The following ZNF280D variants were observed in gnomAD, a reference collection of about 807,000 sequenced individuals.
The protein encoded by ZNF280D is zinc finger protein 280D.
Under a neutral mutation model 94.7 loss-of-function variants are expected in ZNF280D, and 39 were observed. That is an observed-to-expected ratio of 0.41 (90% CI 0.32 to 0.54). ZNF280D has a LOEUF of 0.54. ZNF280D is among the 20% of genes least tolerant of loss of function. ZNF280D has a pLI of 0.22. For missense variants in ZNF280D, 1,090 were observed against 1,149.3 expected, an observed-to-expected ratio of 0.95 and a Z score of 0.75; for synonymous variants, 398 against 377.6, an observed-to-expected ratio of 1.05 and a Z score of -0.63.
intron 17 of ZNF280D, among the ~76,000 whole-genome samples, chr15:56,657,386 A>G (rs1341006274): frequency 1.3e-5 from 2 of 152,170 alleles, no homozygotes; most frequent in Non-Finnish European, 2.9e-5. Context: ...TCAAAACTAA[A>G]AAAGTGTTCA....
At chr15:56,728,396 A>T (rs1337607276) in intron 1 of ZNF280D, among the ~76,000 whole-genome samples, 2 of 152,226 alleles carry the variant, frequency 1.3e-5, no homozygotes, top group East Asian at 3.8e-4. Flanking sequence ...GAAAATATAG[A>T]CATTTTAAAA....
intron 9 of ZNF280D, among the ~76,000 whole-genome samples, chr15:56,686,805 G>A (rs1469224890): frequency 6.7e-6 from 1 of 149,222 alleles, no homozygotes; most frequent in African/African-American, 2.5e-5. Flanking sequence ...AGTTACGCCA[G>A]TTAATTGGTT....
intron 16 of ZNF280D, among the ~76,000 whole-genome samples, chr15:56,665,868 G>A (rs1298733918): frequency 1.3e-5 from 2 of 152,174 alleles, no homozygotes; most frequent in Non-Finnish European, 2.9e-5. Context: ...GGGTGCAATG[G>A]CTCATGCCTG....
intron 7 of ZNF280D, among the ~76,000 whole-genome samples, chr15:56,690,626 G>A (rs2056371639): frequency 6.6e-6 from 1 of 152,060 alleles, no homozygotes; most frequent in African/African-American, 2.4e-5. Flanking sequence ...AAACCATTTT[G>A]TTAAGGCTGA....
At chr15:56,644,129 T>C (rs1400957536) in intron 19 of ZNF280D, among the ~76,000 whole-genome samples, 1 of 152,092 alleles carries the variant, frequency 6.6e-6, no homozygotes, top group Non-Finnish European at 1.5e-5. Context: ...ATATAGATTA[T>C]GTCCTTTGTA....
intron 19 of ZNF280D, among the ~76,000 whole-genome samples, chr15:56,648,756 G>C (rs1171667778): frequency 6.6e-6 from 1 of 152,182 alleles, no homozygotes; most frequent in African/African-American, 2.4e-5. Context: ...TATGTGCTCA[G>C]TAAATGTTAG....
chr15:56,654,123 TTAA>T lies in ZNF280D; in HGVS notation c.2213+72_2213+74del. 4 of 1,560,542 alleles carry T rather than the reference TTAA, an allele frequency of 2.6e-6. No homozygotes were observed. In the South Asian group the frequency reaches 3.7e-5, roughly 14 times the overall value. ...CATACTTTAATACTTTTCATTCGTA[TTAA>T]TGATACATTTAAAAATGCAATAGTG... On this transcript the variant is annotated intron_variant, in intron 19 of 21. Transcript: ENST00000267807.
intron 7 of ZNF280D, among the ~76,000 whole-genome samples, chr15:56,690,786 A>C (rs181493924): frequency 3.5e-4 from 54 of 152,302 alleles, no homozygotes; most frequent in Non-Finnish European, 2.1e-4. Flanking sequence ...AATCCTCACA[A>C]TTGTACATTA....
intron 1 of ZNF280D, chr15:56,725,108 C>T (rs1306979408): frequency 3.9e-6 from 1 of 257,488 alleles, no homozygotes; most frequent in African/African-American, 2.2e-5. Context: ...TTAGATTTGC[C>T]AAAGGTAACC....
At chr15:56,702,250 T>C (rs1384592659) in intron 4 of ZNF280D, among the ~76,000 whole-genome samples, 1 of 152,264 alleles carries the variant, frequency 6.6e-6, no homozygotes, top group African/African-American at 2.4e-5. Context: ...CATTCAGAAA[T>C]TCAGGATTAA....
chr15:56,659,951 C>G (rs2053823063), intron 16 of ZNF280D, among the ~76,000 whole-genome samples: 1 of 152,010 alleles, frequency 6.6e-6, no homozygotes. Flanking sequence ...CAACTATCTG[C>G]AGCTTTCCTT....
chr15:56,633,560 G>A (rs1056871121), intron 21 of ZNF280D, among the ~76,000 whole-genome samples: 17 of 151,558 alleles, frequency 1.1e-4, no homozygotes, highest in African/African-American at 2.9e-4. Context: ...GCATGATCTC[G>A]GCTCATTGCA....
At chr15:56,722,064 G>A (rs1038040262) in intron 1 of ZNF280D, among the ~76,000 whole-genome samples, 26 of 152,268 alleles carry the variant, frequency 1.7e-4, no homozygotes, top group African/African-American at 6.3e-4. Context: ...ATATTGCTAT[G>A]TCTCAGGGAA....
chr15:56,689,902 T>C (rs138870338), intron 7 of ZNF280D, among the ~76,000 whole-genome samples: 1 of 152,170 alleles, frequency 6.6e-6, no homozygotes, highest in Non-Finnish European at 1.5e-5. Context: ...TTAGAGATAC[T>C]CTTAAGATGC....
chr15:56,698,961 G>A (rs865953475), intron 6 of ZNF280D: 1 of 152,136 alleles, frequency 6.6e-6, no homozygotes, highest in South Asian at 2.1e-4. Flanking sequence ...AGCCTTGTGA[G>A]ATCCTTAAGC....
chr15:56,682,154 CACTT>C (rs2055662459), intron 10 of ZNF280D, 96 bp downstream of exon 10: 5 of 828,380 alleles, frequency 6.0e-6, no homozygotes, highest in Non-Finnish European at 9.2e-6. Context: ...GTGTTAAAAT[CACTT>C]ACCTAGAATG....
chr15:56,716,506 G>GAA (rs529405989), intron 1 of ZNF280D, among the ~76,000 whole-genome samples: 37 of 88,130 alleles, frequency 4.2e-4, no homozygotes, highest in Admixed American at 1.6e-3. Flanking sequence ...CATTGTGACT[G>GAA]AAAAAAAAAA....
At chr15:56,632,747 C>T (rs2052145510) in intron 21 of ZNF280D, among the ~76,000 whole-genome samples, 2 of 151,754 alleles carry the variant, frequency 1.3e-5, no homozygotes, top group African/African-American at 4.8e-5. Context: ...GCCTTGGCTC[C>T]CAAAGGGCTG....
intron 1 of ZNF280D, among the ~76,000 whole-genome samples, chr15:56,710,770 ATAATAT>A (rs1173363524): frequency 3.0e-4 from 46 of 152,306 alleles, no homozygotes; most frequent in Middle Eastern, 3.4e-3. Flanking sequence ...GCCGTGTTAA[ATAATAT>A]TAATACTGCA....
Sources: allele counts gnomAD v4.1 joint callset (sites outside exome capture counted in the v4.1 genomes callset), GRCh38; gene constraint gnomAD v4.1.1; transcripts MANE v1.5; gene names NCBI Gene and HGNC (gene_info 2026-07-23, HGNC 2026-07-21).